Variants in COL4A3 observed in about 807,000 individuals in gnomAD.
COL4A3 encodes collagen type IV alpha 3 chain, also known as collagen alpha-3(IV) chain.
In COL4A3, 135 loss-of-function variants were observed where a neutral mutation model predicts 217.4. That is an observed-to-expected ratio of 0.62 (90% CI 0.54 to 0.72). The LOEUF (loss-of-function observed/expected upper bound fraction) is 0.72, where lower values mean the gene tolerates loss of function less well. Ranked by LOEUF, COL4A3 falls within the 30% of genes least tolerant of loss-of-function variation. The probability of loss-of-function intolerance (pLI) is 0.00; values close to 1 mark genes in which losing one functional copy is unlikely to be tolerated. For missense variants in COL4A3, 1,868 were observed against 2,119.9 expected (o/e 0.88, Z 2.33); for synonymous variants, 690 against 736.3 (o/e 0.94, Z 1.02).
At chr2:227,261,713 T>C (rs1439548736) in intron 20 of COL4A3, among the ~76,000 whole-genome samples, 2 of 152,206 alleles carry the variant, frequency 1.3e-5, no homozygotes, top group African/African-American at 2.4e-5. Flanking sequence ...AGCAGGGACC[T>C]TGAAACTCAG....
At chr2:227,171,990 G>C (rs749022402) in intron 1 of COL4A3, among the ~76,000 whole-genome samples, 1 of 152,162 alleles carries the variant, frequency 6.6e-6, no homozygotes, top group Non-Finnish European at 1.5e-5. Context: ...GCCTGCCGGC[G>C]CTTGAGAGGG....
At chr2:227,207,228 G>C (rs1040463299) in intron 1 of COL4A3, among the ~76,000 whole-genome samples, 3 of 152,212 alleles carry the variant, frequency 2.0e-5, no homozygotes, top group Admixed American at 6.5e-5. Flanking sequence ...CTTAGAAAAA[G>C]AGTTCTAGGA....
At chr2:227,272,315 C>A (rs910683070) in intron 25 of COL4A3, among the ~76,000 whole-genome samples, 7 of 152,156 alleles carry the variant, frequency 4.6e-5, no homozygotes, top group Non-Finnish European at 7.3e-5. Context: ...GAGTCTTACA[C>A]CCTGTCATTA....
intron 1 of COL4A3, among the ~76,000 whole-genome samples, chr2:227,171,492 T>A (rs1459757187): frequency 1.3e-5 from 2 of 151,976 alleles, no homozygotes; most frequent in African/African-American, 4.8e-5. Flanking sequence ...CTGACGTGTA[T>A]GATGGAACAA....
At chr2:227,211,380 A>T (rs1485481116) in intron 1 of COL4A3, among the ~76,000 whole-genome samples, 1 of 152,158 alleles carries the variant, frequency 6.6e-6, no homozygotes, top group African/African-American at 2.4e-5. Context: ...TTTCCATTCT[A>T]CCATTGGGGC....
At position 227,238,019 on chromosome 2, in the gene COL4A3, G is replaced by A; in HGVS notation, c.139G>A (p.Glu47Lys). Residue 47 changes from glutamate to lysine, a missense_variant, in exon 2 of 52, where the codon GAG becomes AAG. Physicochemically the swap from Glu to Lys is moderately conservative, Grantham distance 56. Around this residue, in one of 2 missense-constraint regions of COL4A3, gnomAD observed 365 missense variants for 333.8 expected, o/e 1.09. Transcript: ENST00000396578. ...GTGCTTCTGTGACGGGGCCAAAGGG[G>A]AGAAGGTAAAAACAAACCCTAATAC... ...GQCFCDGAKG[E>K]KGEKGFPGPP... is the part of the protein sequence containing the mutation. 6.2e-7 allele frequency: 1 copy of A among 1,604,482 alleles called. No homozygotes were observed. Among genetic ancestry groups the A allele is most frequent in the South Asian group, 1.1e-5 (1 of 90,952 alleles).
At chr2:227,266,533 A>G in intron 22 of COL4A3, 24 bp downstream of exon 22, 1 of 1,559,628 alleles carries the variant, frequency 6.4e-7, no homozygotes, top group Non-Finnish European at 8.8e-7. Context: ...ATAATGTTGT[A>G]TTAGGATAAG....
intron 3 of COL4A3, among the ~76,000 whole-genome samples, chr2:227,243,460 C>T (rs1038994335): frequency 6.6e-6 from 1 of 152,212 alleles, no homozygotes; most frequent in South Asian, 2.1e-4. Context: ...CTGCTTTCGG[C>T]ATCACGTGAA....
intron 42 of COL4A3, among the ~76,000 whole-genome samples, chr2:227,298,383 C>A (rs750494941): frequency 1.3e-5 from 2 of 152,122 alleles, no homozygotes; most frequent in African/African-American, 2.4e-5. Flanking sequence ...GACAGTGATG[C>A]ATTCATTCAA....
chr2:227,260,748 A>T (rs1387974980), intron 19 of COL4A3, among the ~76,000 whole-genome samples: 1 of 152,218 alleles, frequency 6.6e-6, no homozygotes, highest in Non-Finnish European at 1.5e-5. Context: ...CACCAAGACA[A>T]ACTGCTATCC....
At chr2:227,211,719 G>A (rs1421213945) in intron 1 of COL4A3, among the ~76,000 whole-genome samples, 4 of 151,732 alleles carry the variant, frequency 2.6e-5, no homozygotes, top group Non-Finnish European at 4.4e-5. Flanking sequence ...GTGCAGTGGT[G>A]CAATCTCGGC....
At chr2:227,223,559 CG>C (rs1414121840) in intron 1 of COL4A3, among the ~76,000 whole-genome samples, 46 of 116,604 alleles carry the variant, frequency 3.9e-4, no homozygotes, top group Admixed American at 9.3e-4. Context: ...CATGGTGAGA[CG>C]CCCCCCCAAC....
intron 20 of COL4A3, among the ~76,000 whole-genome samples, chr2:227,263,387 A>G (rs1429219517): frequency 6.6e-6 from 1 of 152,212 alleles, no homozygotes; most frequent in Non-Finnish European, 1.5e-5. Context: ...GGCAGGAATA[A>G]AGTCCACTTA....
At chr2:227,290,134 G>T (rs767180951) in intron 36 of COL4A3, 46 bp downstream of exon 36, 3 of 1,538,614 alleles carry the variant, frequency 1.9e-6, no homozygotes, top group Non-Finnish European at 2.7e-6. Context: ...CATGATGGGT[G>T]AGGACTCCAG....
At chr2:227,196,309 A>G (rs193288139) in intron 1 of COL4A3, among the ~76,000 whole-genome samples, 36 of 151,274 alleles carry the variant, frequency 2.4e-4, no homozygotes, top group Non-Finnish European at 4.4e-4. Context: ...ATATAGGTGT[A>G]CTATGTTTTT....
intron 1 of COL4A3, among the ~76,000 whole-genome samples, chr2:227,215,167 T>C (rs567852124): frequency 6.6e-6 from 1 of 152,114 alleles, no homozygotes; most frequent in East Asian, 1.9e-4. Flanking sequence ...ATTTTTTTTT[T>C]AATGAAAAGT....
Position 227,244,259 on chromosome 2 carries a change from G to C in COL4A3, c.235-61G>C, listed in dbSNP as rs1443433255. 2.8e-6 allele frequency: 4 copies of C among 1,423,350 alleles called. No individual in the cohort carries two copies. In the African/African-American group the frequency reaches 4.2e-5, roughly 15 times the overall value. 88.2% of individuals were successfully genotyped at this position (1,423,350 alleles called of 1,614,324 possible). On this transcript the variant is annotated intron_variant, in intron 3 of 51. Transcript: ENST00000396578. ...TGACTGAGACTGGGTTTGATGTATG[G>C]GTTTCTTAGTGCCAAATAATTTTCA...
intron 43 of COL4A3, among the ~76,000 whole-genome samples, chr2:227,299,523 A>G (rs934989722): frequency 1.3e-5 from 2 of 152,304 alleles, no homozygotes; most frequent in Admixed American, 6.5e-5. Flanking sequence ...TGTGGGGATT[A>G]TAGGAACTAC....
rs6436669 is a variant in COL4A3 at position 227,248,459 on chromosome 2, A to G, written c.485A>G (p.Glu162Gly). 0.83 allele frequency: 1,340,188 copies of G among 1,609,424 alleles called. 560,380 individuals are homozygous for G. The highest frequency in any genetic ancestry group is 0.89 in the East Asian group (39,991 of 44,842). ...LKGQKGAPAK[E>G]EDIELDAKGD... ...ATTTTCAAGGGTGCTCCTGCTAAAG[A>G]AGAAGATATAGAACTTGATGCAAAA... Residue 162 changes from glutamate to glycine, a missense_variant, in exon 9 of 52, where the codon GAA (glutamate) becomes GGA (glycine). Physicochemically the swap from Glu to Gly is moderately conservative, Grantham distance 98. Transcript: ENST00000396578.
Sources: allele counts gnomAD v4.1 joint callset (sites outside exome capture counted in the v4.1 genomes callset), GRCh38; gene constraint gnomAD v4.1.1; regional missense constraint gnomAD v4.1.1; transcripts MANE v1.5; gene names NCBI Gene and HGNC (gene_info 2026-07-23, HGNC 2026-07-21).